The following PSD3 variants were observed in gnomAD, a reference collection of about 807,000 sequenced individuals.
PSD3 encodes the protein pleckstrin and Sec7 domain containing 3, also known as PH and SEC7 domain-containing protein 3.
PSD3 carries 49 observed loss-of-function variants against 105.5 expected under a neutral mutation model. The ratio of observed to expected loss-of-function variants is 0.46; its 90% CI spans 0.37 to 0.59. The LOEUF (loss-of-function observed/expected upper bound fraction) is 0.59, where lower values mean the gene tolerates loss of function less well. PSD3 is among the 20% of genes least tolerant of loss of function. The pLI, the probability that PSD3 is intolerant of heterozygous loss-of-function variation, is 0.00. For missense variants in PSD3, 1,561 were observed against 1,263.8 expected, an observed-to-expected ratio of 1.24 and a Z score of -3.57; for synonymous variants, 557 against 457.8, an observed-to-expected ratio of 1.22 and a Z score of -2.77.
chr8:18,818,718 G>T (rs75469564), intron 4 of PSD3, among the ~76,000 whole-genome samples: 6,090 of 152,166 alleles, frequency 0.04, 137 homozygotes, highest in Admixed American at 0.068. Context: ...AGGAAAGAAA[G>T]AATGAAGAGT....
intron 2 of PSD3, among the ~76,000 whole-genome samples, chr8:18,882,361 C>T (rs1049049666): frequency 2.6e-5 from 4 of 152,110 alleles, no homozygotes; most frequent in South Asian, 2.1e-4. Context: ...AACAGTAGGG[C>T]GCTTCCTGAT....
At chr8:18,954,929 C>T (rs189944685) in intron 1 of PSD3, among the ~76,000 whole-genome samples, 2 of 152,190 alleles carry the variant, frequency 1.3e-5, no homozygotes, top group East Asian at 3.9e-4. Flanking sequence ...AGTGACGTCA[C>T]GTTAGGATGG....
intron 11 of PSD3, among the ~76,000 whole-genome samples, chr8:18,617,163 G>A (rs1434328446): frequency 6.6e-6 from 1 of 152,100 alleles, no homozygotes; most frequent in Non-Finnish European, 1.5e-5. Flanking sequence ...GACCCCTACA[G>A]TATAGAACCT....
chr8:19,021,120 T>C (rs1827348663), intron 1 of PSD3, among the ~76,000 whole-genome samples: 5 of 152,196 alleles, frequency 3.3e-5, no homozygotes, highest in Admixed American at 3.3e-4. Flanking sequence ...GCTCAGAAAT[T>C]AGGGAGATGA....
At chr8:18,618,244 T>C (rs1036152419) in intron 11 of PSD3, among the ~76,000 whole-genome samples, 1 of 151,780 alleles carries the variant, frequency 6.6e-6, no homozygotes, top group African/African-American at 2.4e-5. Flanking sequence ...CCTGCCCTTC[T>C]GGGCTAAATC....
intron 4 of PSD3, among the ~76,000 whole-genome samples, chr8:18,841,851 G>A (rs142009971): frequency 1.3e-5 from 2 of 152,210 alleles, no homozygotes; most frequent in African/African-American, 4.8e-5. Flanking sequence ...ACATTAGCTA[G>A]TAAAGAGACC....
chr8:18,603,473 G>T (rs1220997108), intron 11 of PSD3, among the ~76,000 whole-genome samples: 1 of 151,872 alleles, frequency 6.6e-6, no homozygotes, highest in African/African-American at 2.4e-5. Context: ...GTCTTTTGGT[G>T]GCCAATCTTC....
At chr8:18,617,087 C>G (rs1180483248) in intron 11 of PSD3, among the ~76,000 whole-genome samples, 2 of 152,136 alleles carry the variant, frequency 1.3e-5, no homozygotes, top group Admixed American at 6.5e-5. Flanking sequence ...TCTCATTCAC[C>G]TGGCTTTGGT....
chr8:18,562,802 T>C (rs944628998), intron 14 of PSD3, among the ~76,000 whole-genome samples: 4 of 152,112 alleles, frequency 2.6e-5, no homozygotes, highest in African/African-American at 4.8e-5. Context: ...GGCAGGGGAA[T>C]TGCTTGAACC....
At chr8:19,033,515 T>C (rs1827840546) in intron 1 of PSD3, among the ~76,000 whole-genome samples, 3 of 152,022 alleles carry the variant, frequency 2.0e-5, no homozygotes, top group Middle Eastern at 3.4e-3. Flanking sequence ...AAAACGTCTC[T>C]TCCTTCCTTC....
At chr8:18,803,765 C>A (rs2638649) in intron 6 of PSD3, among the ~76,000 whole-genome samples, 1 of 150,772 alleles carries the variant, frequency 6.6e-6, no homozygotes, top group Non-Finnish European at 1.5e-5. Context: ...TTGCCAGGGG[C>A]TGGGGGAAAG....
At chr8:18,584,518 T>C (rs990372825) in intron 12 of PSD3, among the ~76,000 whole-genome samples, 12 of 152,182 alleles carry the variant, frequency 7.9e-5, no homozygotes, top group Non-Finnish European at 1.6e-4. Context: ...ATTTAAAAAA[T>C]GGGAACAGTA....
At chr8:18,633,425 A>G (rs1186176007) in intron 10 of PSD3, among the ~76,000 whole-genome samples, 1 of 152,052 alleles carries the variant, frequency 6.6e-6, no homozygotes, top group Non-Finnish European at 1.5e-5. Context: ...CCGCCATAAA[A>G]ATAGTCCCCA....
At chr8:18,948,908 C>T (rs1823026108) in intron 1 of PSD3, among the ~76,000 whole-genome samples, 1 of 151,626 alleles carries the variant, frequency 6.6e-6, no homozygotes, top group South Asian at 2.1e-4. Flanking sequence ...ATCTCTAGTT[C>T]CCTTAACTTA....
In PSD3 at chr8:18,907,713, G is replaced by A. The variant is rs140460546; in HGVS notation, c.130+28321C>T. ...TCAAACAAGGGCGAAATCGCCTGAT[G>A]ACCTATTTCTCAGAACATATACCCA... On this transcript the variant is annotated intron_variant, in intron 2 of 15. Coordinates refer to ENST00000327040, the MANE Select transcript of PSD3 (RefSeq NM_015310.4). Among the ~76,000 whole-genome samples the A allele has an allele frequency of 3.9e-3, 594 of 152,302 alleles. 1 individual carries two copies. Among genetic ancestry groups the A allele is most frequent in the South Asian group, 7.3e-3 (35 of 4,822 alleles).
At chr8:18,848,267 C>T (rs529142204) in intron 4 of PSD3, among the ~76,000 whole-genome samples, 174 of 152,296 alleles carry the variant, frequency 1.1e-3, no homozygotes, top group African/African-American at 3.9e-3. Flanking sequence ...TAAAACTGAA[C>T]GCAACACAAC....
At chr8:18,727,608 T>A (rs2129429846) in intron 9 of PSD3, among the ~76,000 whole-genome samples, 1 of 148,922 alleles carries the variant, frequency 6.7e-6, no homozygotes, top group East Asian at 2.0e-4. Flanking sequence ...ACCCCTCTTA[T>A]TCATCTTTAC....
chr8:19,013,542 C>A lies in PSD3; in HGVS notation c.21+21G>T, dbSNP rs750765742. On this transcript the variant is annotated intron_variant, in intron 1 of 15. Transcript: ENST00000327040. ...GCGCCGCGTGCGCACCCCGCGCCCG[C>A]GCCCCGGCCCCGGAGCTCACCGCTG... 18 of 1,572,576 alleles carry A rather than the reference C, an allele frequency of 1.1e-5. No individual in the cohort carries two copies. In the African/African-American group the frequency reaches 2.1e-4, roughly 18 times the overall value.
intron 9 of PSD3, among the ~76,000 whole-genome samples, chr8:18,760,911 C>G (rs1017302578): frequency 6.6e-6 from 1 of 151,990 alleles, no homozygotes; most frequent in East Asian, 1.9e-4. Context: ...CTCTAGCAAC[C>G]CTTGTCTCCC....
Sources: gnomAD v4.1 joint callset for allele counts (sites outside exome capture counted in the v4.1 genomes callset) on GRCh38, gnomAD v4.1.1 for gene constraint, MANE v1.5 for transcripts, NCBI Gene and HGNC (gene_info 2026-07-23, HGNC 2026-07-21) for gene names.